The following RAB3IL1 variants were observed in gnomAD, a reference collection of about 807,000 sequenced individuals.
RAB3IL1 encodes RAB3A interacting protein like 1.
A neutral mutation model predicts 49.2 loss-of-function variants in RAB3IL1; 37 were observed. That is an observed-to-expected ratio of 0.75 (90% CI 0.58 to 0.99). RAB3IL1 has a LOEUF of 0.99. Ranked by LOEUF, RAB3IL1 falls within the 50% of genes least tolerant of loss-of-function variation. RAB3IL1 has a pLI of 0.00. For missense variants in RAB3IL1, 484 were observed against 513.0 expected, an observed-to-expected ratio of 0.94 and a Z score of 0.55; for synonymous variants, 193 against 213.9, an observed-to-expected ratio of 0.90 and a Z score of 0.85.
chr11:61,908,409 T>C, intron 1 of RAB3IL1, 103 bp from the exon 2 acceptor site: 5 of 1,239,744 alleles, frequency 4.0e-6, no homozygotes, highest in Non-Finnish European at 5.2e-6. Context: ...CACTTGAGCC[T>C]CAGCCTTTCC....
the RAB3IL1 span, among the ~76,000 whole-genome samples, chr11:61,934,413 CAT>C: frequency 1.4e-5 from 1 of 73,486 alleles, no homozygotes; most frequent in Non-Finnish European, 2.9e-5. Context: ...TGTATATATA[CAT>C]ATATATGTGT....
the RAB3IL1 span, chr11:61,945,791 G>T: frequency 1.0e-6 from 1 of 985,358 alleles, no homozygotes; most frequent in Non-Finnish European, 1.2e-6. Context: ...CTGCAGCCTG[G>T]CAGAGTCCAT....
chr11:61,944,242 C>CCTTCCTTT, the RAB3IL1 span, among the ~76,000 whole-genome samples: 5 of 127,280 alleles, frequency 3.9e-5, no homozygotes, highest in East Asian at 2.1e-4. Flanking sequence ...TTCCTTCCTT[C>CCTTCCTTT]CTTCCTTCCT....
the RAB3IL1 span, among the ~76,000 whole-genome samples, chr11:61,927,588 T>C: frequency 6.6e-6 from 1 of 152,130 alleles, no homozygotes; most frequent in South Asian, 2.1e-4. Context: ...TGGGGCTTTG[T>C]ATGTGGTATG....
At chr11:61,902,631 G>A (rs748187334) in intron 7 of RAB3IL1, 90 bp from the exon 8 acceptor site, 276 of 1,169,970 alleles carry the variant, frequency 2.4e-4, no homozygotes, top group Non-Finnish European at 3.3e-4. Context: ...GCAGCTGAGA[G>A]GATGCATGGG....
the RAB3IL1 span, among the ~76,000 whole-genome samples, chr11:61,939,529 A>G: frequency 6.6e-6 from 1 of 152,122 alleles, no homozygotes; most frequent in Non-Finnish European, 1.5e-5. Flanking sequence ...AAGAGTGGAG[A>G]TAAATGAAAT....
intron 8 of RAB3IL1, among the ~76,000 whole-genome samples, chr11:61,901,310 C>A (rs1301219309): frequency 6.6e-6 from 1 of 152,156 alleles, no homozygotes; most frequent in East Asian, 1.9e-4. Flanking sequence ...GTCCTCAATC[C>A]CCAGCTTGGT....
upstream of RAB3IL1, among the ~76,000 whole-genome samples, chr11:61,924,752 T>A (rs748533105): frequency 6.6e-6 from 1 of 152,034 alleles, no homozygotes; most frequent in African/African-American, 2.4e-5. Flanking sequence ...TTCCCGGTAA[T>A]GAAACTGACC....
rs1939106614 is a variant in RAB3IL1, at chr11:61,904,874, T to A, written c.666A>T (p.Thr222=). The change falls in exon 6 of 10, where the codon ACA becomes ACT. Residue 222 remains threonine (T), a synonymous_variant. Transcript: ENST00000394836. ...AGGCCTGGAACTCTGCAAACAGGAT[T>A]GTGTCCACCTGTGGGGGAGGGCAAG... The part of the protein sequence containing the change: ...TPDREGKEVD[T]ILFAEFQAWR... The A allele has an allele frequency of 6.3e-7, 1 of 1,587,424 alleles. No homozygotes were observed. The highest frequency in any genetic ancestry group is 1.7e-5 in the Admixed American group (1 of 58,240).
At chr11:61,900,187 G>A (rs752393525) in intron 8 of RAB3IL1, among the ~76,000 whole-genome samples, 4 of 152,254 alleles carry the variant, frequency 2.6e-5, no homozygotes, top group Admixed American at 6.5e-5. Flanking sequence ...CCGGTGGATG[G>A]GGCTGAAGCT....
At position 61,904,626 on chromosome 11, in the gene RAB3IL1, G is replaced by C. The variant is rs749750711; in HGVS notation, c.819C>G (p.Asp273Glu). The C allele has an allele frequency of 6.2e-7, 1 of 1,612,824 alleles. No homozygotes were observed. Among genetic ancestry groups the C allele is most frequent in the South Asian group, 1.1e-5 (1 of 90,746 alleles). ...CCACCGGCTCAATGGTGAGCGTGTT[G>C]TCCTCCACGGCGGCCCGTACCAGCA... ...LSVLVRAAVE[D>E]NTLTIEPVAS... Residue 273 changes from aspartate (D) to glutamate (E), a missense_variant, in exon 7 of 10, where the codon GAC becomes GAG. Physicochemically the swap from Asp to Glu is conservative, Grantham distance 45. Coordinates refer to ENST00000394836, the MANE Select transcript of RAB3IL1 (RefSeq NM_013401.4).
intron 4 of RAB3IL1, among the ~76,000 whole-genome samples, chr11:61,907,043 A>T (rs1314956945): frequency 2.6e-5 from 4 of 152,188 alleles, no homozygotes; most frequent in African/African-American, 9.7e-5. Context: ...GGAGAGAGGA[A>T]GCGACTTGCC....
the RAB3IL1 span, among the ~76,000 whole-genome samples, chr11:61,933,376 G>A: frequency 2.6e-5 from 4 of 151,854 alleles, no homozygotes; most frequent in African/African-American, 4.8e-5. Flanking sequence ...AAAAGCCAAG[G>A]AGTGCTGGCA....
At chr11:61,926,905 C>T in the RAB3IL1 span, among the ~76,000 whole-genome samples, 3 of 151,622 alleles carry the variant, frequency 2.0e-5, no homozygotes, top group East Asian at 5.9e-4. Context: ...CAGGCCCATG[C>T]AATGCCACAA....
upstream of RAB3IL1, chr11:61,920,237 G>T: frequency 8.1e-7 from 1 of 1,240,690 alleles, no homozygotes; most frequent in South Asian, 3.7e-5. Context: ...GTGCCGGGAA[G>T]GGAGGTAGCA....
At chr11:61,944,438 G>T in the RAB3IL1 span, among the ~76,000 whole-genome samples, 41 of 152,168 alleles carry the variant, frequency 2.7e-4, no homozygotes, top group African/African-American at 9.4e-4. Context: ...CACCAGGGCA[G>T]ATTCTGCATT....
chr11:61,937,064 AAGTT>A, the RAB3IL1 span, among the ~76,000 whole-genome samples: 5 of 152,150 alleles, frequency 3.3e-5, no homozygotes, highest in Non-Finnish European at 7.4e-5. Flanking sequence ...ATAAATATAA[AAGTT>A]AGTATTACTG....
At chr11:61,908,338 G>A in intron 1 of RAB3IL1, 32 bp from the exon 2 acceptor site, 1 of 1,437,108 alleles carries the variant, frequency 7.0e-7, no homozygotes, top group East Asian at 2.5e-5. Flanking sequence ...AGCAGGTTCA[G>A]GGTGGGGTCC....
intron 1 of RAB3IL1, among the ~76,000 whole-genome samples, chr11:61,913,550 C>A (rs565579538): frequency 1.3e-5 from 2 of 152,300 alleles, no homozygotes; most frequent in Admixed American, 6.5e-5. Flanking sequence ...CCACCCCTGG[C>A]GGGGGAATCC....
Sources: allele counts gnomAD v4.1 joint callset (sites outside exome capture counted in the v4.1 genomes callset), GRCh38; gene constraint gnomAD v4.1.1; transcripts MANE v1.5; gene names NCBI Gene and HGNC (gene_info 2026-07-23, HGNC 2026-07-21).